The following STAU2 variants were observed in gnomAD, a reference collection of about 807,000 sequenced individuals.
STAU2 encodes the protein staufen double-stranded RNA binding protein 2.
A neutral mutation model predicts 65.9 loss-of-function variants in STAU2; 20 were observed. The ratio of observed to expected loss-of-function variants is 0.30; its 90% confidence interval spans 0.21 to 0.44. The LOEUF (loss-of-function observed/expected upper bound fraction) is 0.44, where lower values mean the gene tolerates loss of function less well. Among genes scored for constraint, STAU2 ranks in the 20% least tolerant of loss-of-function variants. The probability of loss-of-function intolerance (pLI) is 1.00; values close to 1 mark genes in which losing one functional copy is unlikely to be tolerated. For synonymous variants in STAU2, 232 were observed against 233.9 expected (o/e 0.99, Z 0.07); for missense variants, 558 against 683.9 (o/e 0.82, Z 2.05).
At chr8:73,716,104 T>C (rs76928630) in intron 3 of STAU2, among the ~76,000 whole-genome samples, 1 of 150,434 alleles carries the variant, frequency 6.6e-6, no homozygotes, top group African/African-American at 2.4e-5. Flanking sequence ...TTTTTTTTTT[T>C]TGAGACAAGA....
chr8:73,710,671 T>C (rs1366062325), intron 3 of STAU2, among the ~76,000 whole-genome samples: 1 of 152,048 alleles, frequency 6.6e-6, no homozygotes, highest in Non-Finnish European at 1.5e-5. Context: ...TATTTTAACC[T>C]ATATTTTTCC....
chr8:73,677,072 C>A (rs916614674), intron 5 of STAU2, among the ~76,000 whole-genome samples: 3 of 152,158 alleles, frequency 2.0e-5, no homozygotes, highest in Admixed American at 2.0e-4. Flanking sequence ...GAAAAACATT[C>A]CAACCAGCAC....
At chr8:73,550,948 T>G (rs906551006) in intron 13 of STAU2, 1 of 985,354 alleles carries the variant, frequency 1.0e-6, no homozygotes, top group Admixed American at 6.1e-5. Context: ...TATAAATACA[T>G]GATCATTCTA....
intron 4 of STAU2, among the ~76,000 whole-genome samples, chr8:73,692,741 G>A (rs1015501418): frequency 4.6e-5 from 7 of 152,144 alleles, no homozygotes; most frequent in African/African-American, 1.7e-4. Context: ...AACCTGCAGG[G>A]TCTGCACTAA....
At chr8:73,505,944 CCTCT>C (rs1196949966) in intron 13 of STAU2, among the ~76,000 whole-genome samples, 1 of 151,926 alleles carries the variant, frequency 6.6e-6, no homozygotes, top group South Asian at 2.1e-4. Flanking sequence ...GCACCTCCTC[CCTCT>C]CTCTCTTGTT....
At chr8:73,613,182 G>A (rs978464831) in intron 9 of STAU2, among the ~76,000 whole-genome samples, 2 of 152,166 alleles carry the variant, frequency 1.3e-5, no homozygotes, top group African/African-American at 2.4e-5. Flanking sequence ...ACAAAGTCTG[G>A]CACATAGACT....
intron 5 of STAU2, among the ~76,000 whole-genome samples, chr8:73,677,610 A>G (rs1408284543): frequency 6.6e-6 from 1 of 152,180 alleles, no homozygotes; most frequent in Non-Finnish European, 1.5e-5. Flanking sequence ...ACAAGAAGGC[A>G]CAACTAATCT....
At chr8:73,651,572 C>T (rs1815882228) in intron 6 of STAU2, 1 of 831,238 alleles carries the variant, frequency 1.2e-6, no homozygotes. Context: ...CCCTTGGGCA[C>T]CCCTGCCTGG....
chr8:73,714,477 AAC>A (rs1357368362), intron 3 of STAU2, among the ~76,000 whole-genome samples: 1 of 152,198 alleles, frequency 6.6e-6, no homozygotes, highest in Non-Finnish European at 1.5e-5. Flanking sequence ...CTCCATTTTT[AAC>A]AGTCTGTCCA....
chr8:73,536,936 T>C (rs1466266187), intron 13 of STAU2, among the ~76,000 whole-genome samples: 7 of 152,182 alleles, frequency 4.6e-5, no homozygotes, highest in African/African-American at 1.7e-4. Flanking sequence ...TCAACTTGAA[T>C]GAGAAAAGGC....
In STAU2 at chr8:73,420,480, C is replaced by G; in HGVS notation, c.*892G>C. The stretch of plus-strand genomic sequence containing the variant: ...AACTCCAACAGGTTTTTCCCTTCCC[C>G]GTCATGTACATTATTTATTTTTGAT... On this transcript the variant is annotated 3_prime_UTR_variant, in exon 15 of 15. Transcript: ENST00000524300. 1 of 269,670 alleles carries G rather than the reference C, an allele frequency of 3.7e-6. No homozygotes were observed. Among genetic ancestry groups the G allele is most frequent in the South Asian group, 4.1e-5 (1 of 24,408 alleles). 16.7% of individuals were successfully genotyped at this position (269,670 alleles called of 1,614,324 possible). A position where few individuals can be genotyped will look rare whatever the true frequency, so the allele number is the denominator to read the frequency against.
At chr8:73,743,254 C>T (rs1807011293) in intron 1 of STAU2, among the ~76,000 whole-genome samples, 1 of 151,446 alleles carries the variant, frequency 6.6e-6, no homozygotes, top group African/African-American at 2.4e-5. Flanking sequence ...ATTTTTCAGA[C>T]ACCAATTGTA....
chr8:73,518,024 C>A (rs1014790245), intron 13 of STAU2, among the ~76,000 whole-genome samples: 1 of 152,102 alleles, frequency 6.6e-6, no homozygotes, highest in African/African-American at 2.4e-5. Context: ...ATGGAAATAG[C>A]AGAATATTCT....
chr8:73,436,111 C>T (rs1470437478), intron 13 of STAU2, among the ~76,000 whole-genome samples: 3 of 151,902 alleles, frequency 2.0e-5, no homozygotes, highest in Non-Finnish European at 4.4e-5. Flanking sequence ...CCTTACATTA[C>T]GGTTATTTCA....
At chr8:73,672,476 T>C (rs963115318) in intron 6 of STAU2, 3 of 152,176 alleles carry the variant, frequency 2.0e-5, no homozygotes, top group African/African-American at 7.2e-5. Context: ...AATACATATA[T>C]ACATACATAA....
At chr8:73,505,013 A>G (rs1035992437) in intron 13 of STAU2, among the ~76,000 whole-genome samples, 1 of 151,984 alleles carries the variant, frequency 6.6e-6, no homozygotes, top group Non-Finnish European at 1.5e-5. Flanking sequence ...TGTTCTTTCT[A>G]CTTAGGTGGG....
intron 13 of STAU2, among the ~76,000 whole-genome samples, chr8:73,468,683 A>G (rs1345828766): frequency 1.3e-5 from 2 of 152,258 alleles, no homozygotes; most frequent in Non-Finnish European, 2.9e-5. Context: ...ACATTTATGC[A>G]GCCAACAGAC....
At chr8:73,695,069 G>A (rs1420070551) in intron 4 of STAU2, among the ~76,000 whole-genome samples, 1 of 152,182 alleles carries the variant, frequency 6.6e-6, no homozygotes, top group Non-Finnish European at 1.5e-5. Context: ...CTCCTAGTGT[G>A]AGGCTGGGCT....
chr8:73,486,650 T>TAG (rs1820926240), intron 13 of STAU2, among the ~76,000 whole-genome samples: 1 of 79,604 alleles, frequency 1.3e-5, no homozygotes, highest in African/African-American at 6.6e-5. Flanking sequence ...TAAATATATA[T>TAG]ATATATATTT....
Sources: allele counts gnomAD v4.1 joint callset (sites outside exome capture counted in the v4.1 genomes callset), GRCh38; gene constraint gnomAD v4.1.1; transcripts MANE v1.5; gene names NCBI Gene and HGNC (gene_info 2026-07-23, HGNC 2026-07-21).